Variants in NTNG1 observed in about 807,000 individuals in gnomAD.
NTNG1 encodes the protein netrin G1, also known as netrin-G1.
Under a neutral mutation model 54.0 loss-of-function variants are expected in NTNG1, and 16 were observed. That is an observed-to-expected ratio of 0.30 (90% CI 0.20 to 0.45). The LOEUF (loss-of-function observed/expected upper bound fraction) is 0.45. Ranked by LOEUF, NTNG1 falls within the 20% of genes least tolerant of loss-of-function variation. The probability of loss-of-function intolerance (pLI) is 1.00; values close to 1 mark genes in which losing one functional copy is unlikely to be tolerated. For synonymous variants in NTNG1, 255 were observed against 263.1 expected (o/e 0.97, Z 0.30); for missense variants, 530 against 678.7 (o/e 0.78, Z 2.43).
intron 2 of NTNG1, among the ~76,000 whole-genome samples, chr1:107,156,113 G>A (rs542048809): frequency 1.3e-5 from 2 of 152,248 alleles, no homozygotes; most frequent in East Asian, 3.9e-4. Context: ...TATCCCTGTC[G>A]TAAAGTGACA....
At chr1:107,149,827 C>T (rs994195890) in intron 2 of NTNG1, among the ~76,000 whole-genome samples, 11 of 151,802 alleles carry the variant, frequency 7.2e-5, no homozygotes, top group African/African-American at 2.4e-4. Context: ...TTTTTCTCCA[C>T]ATAACAGATA....
intron 2 of NTNG1, among the ~76,000 whole-genome samples, chr1:107,170,617 C>T (rs1656149051): frequency 6.6e-6 from 1 of 151,948 alleles, no homozygotes; most frequent in African/African-American, 2.4e-5. Flanking sequence ...TGCTGATAAT[C>T]TAAACCCATT....
rs751035689 is a variant in NTNG1, at chr1:107,148,655, A to C, written c.62A>C (p.Gln21Pro). ...TGGGTTACGGTGTCCTCAGTGATGC[A>C]GCCCTACCCTTTGGTTTGGGGACAT... is the stretch of plus-strand genomic sequence containing the variant. Reference protein sequence around the residue: ...ALWVTVSSVMQPYPLVWGHYD... With the variant: ...ALWVTVSSVMPPYPLVWGHYD... Residue 21 changes from glutamine (Q) to proline (P), a missense_variant, in exon 2 of 8, where the codon CAG (glutamine) becomes CCG (proline). Physicochemically the swap from Gln to Pro is moderately conservative, Grantham distance 76 (BLOSUM62 -1). This residue lies in a region of NTNG1 where 318 missense variants were observed against 465.1 expected (regional missense o/e 0.68). Coordinates refer to ENST00000370068, the MANE Select transcript of NTNG1 (RefSeq NM_001113226.3). The C allele has an allele frequency of 5.0e-6, 8 of 1,613,042 alleles. No homozygotes were observed. The highest frequency in any genetic ancestry group is 6.8e-6 in the Non-Finnish European group (8 of 1,179,198).
chr1:107,285,331 A>G (rs921272042), intron 2 of NTNG1, among the ~76,000 whole-genome samples: 2 of 152,126 alleles, frequency 1.3e-5, no homozygotes, highest in Non-Finnish European at 2.9e-5. Flanking sequence ...GTTACTGATG[A>G]TGAATCATAG....
chr1:107,459,211 AAGAG>A (rs993801725), intron 7 of NTNG1, among the ~76,000 whole-genome samples: 1 of 152,072 alleles, frequency 6.6e-6, no homozygotes, highest in Non-Finnish European at 1.5e-5. Flanking sequence ...ATTGTTCAAA[AAGAG>A]AGAGAGAGAA....
intron 3 of NTNG1, among the ~76,000 whole-genome samples, chr1:107,329,931 T>C (rs1354392966): frequency 6.6e-6 from 1 of 151,986 alleles, no homozygotes; most frequent in African/African-American, 2.4e-5. Context: ...ATAATGTGGG[T>C]TAAGTGATTT....
intron 3 of NTNG1, among the ~76,000 whole-genome samples, chr1:107,387,650 G>A (rs527617570): frequency 1.2e-4 from 18 of 152,306 alleles, no homozygotes; most frequent in African/African-American, 4.1e-4. Flanking sequence ...ATCTCAGAGA[G>A]AGTAATGTCC....
chr1:107,171,743 C>T (rs1368624709), intron 2 of NTNG1, among the ~76,000 whole-genome samples: 1 of 152,152 alleles, frequency 6.6e-6, no homozygotes, highest in African/African-American at 2.4e-5. Flanking sequence ...CTCTGAAAAC[C>T]TGCAGTATTT....
chr1:107,196,064 G>A (rs1453182082), intron 2 of NTNG1, among the ~76,000 whole-genome samples: 1 of 151,810 alleles, frequency 6.6e-6, no homozygotes, highest in Non-Finnish European at 1.5e-5. Flanking sequence ...TAGAACCCAG[G>A]GCCTGGCACA....
chr1:107,140,615 A>G (rs889579537), upstream of NTNG1, among the ~76,000 whole-genome samples: 5 of 152,036 alleles, frequency 3.3e-5, no homozygotes, highest in East Asian at 3.9e-4. Flanking sequence ...CTTGGCGCCA[A>G]TGCTAATTGT....
At chr1:107,144,458 C>A (rs1393829371) in intron 1 of NTNG1, among the ~76,000 whole-genome samples, 1 of 152,006 alleles carries the variant, frequency 6.6e-6, no homozygotes, top group Non-Finnish European at 1.5e-5. Flanking sequence ...TGCTGAAAAC[C>A]AGCTAGATTA....
intron 7 of NTNG1, 53 bp downstream of exon 7, chr1:107,436,852 C>G: frequency 6.3e-7 from 1 of 1,575,836 alleles, no homozygotes; most frequent in Non-Finnish European, 8.7e-7. Flanking sequence ...CTGATTTCTG[C>G]TTGGCTAGGC....
chr1:107,416,769 T>C lies in NTNG1; in HGVS notation c.1087+9061T>C, dbSNP rs191881646. ...TAATAAATCATACCAGTACTTGCAT[T>C]TCATCAAGACAAACAAGTCACTACT... On this transcript the variant is annotated intron_variant, in intron 5 of 7. Transcript: ENST00000370068. Among the ~76,000 whole-genome samples, 225 of 152,176 alleles carry C rather than the reference T, an allele frequency of 1.5e-3. 2 individuals carry two copies. The highest frequency in any genetic ancestry group is 5.1e-3 in the African/African-American group (213 of 41,544).
At chr1:107,229,161 G>GAAATGTCAT (rs1396528855) in intron 2 of NTNG1, among the ~76,000 whole-genome samples, 1 of 151,838 alleles carries the variant, frequency 6.6e-6, no homozygotes, top group Non-Finnish European at 1.5e-5. Flanking sequence ...TAGGAAAGTG[G>GAAATGTCAT]AAATGTCATA....
chr1:107,158,444 G>A (rs1407252863), intron 2 of NTNG1, among the ~76,000 whole-genome samples: 1 of 152,122 alleles, frequency 6.6e-6, no homozygotes, highest in Non-Finnish European at 1.5e-5. Context: ...CTTTGAAGCT[G>A]ACTTCTAAAA....
At chr1:107,446,530 G>T (rs1676316408) in intron 7 of NTNG1, among the ~76,000 whole-genome samples, 1 of 152,020 alleles carries the variant, frequency 6.6e-6, no homozygotes, top group South Asian at 2.1e-4. Flanking sequence ...AATACATACA[G>T]AACGTGTTCA....
intron 2 of NTNG1, among the ~76,000 whole-genome samples, chr1:107,189,066 T>G (rs1417217909): frequency 6.6e-6 from 1 of 151,946 alleles, no homozygotes. Flanking sequence ...TTTGGGTGAA[T>G]ATAGGCCTAG....
intron 4 of NTNG1, among the ~76,000 whole-genome samples, chr1:107,404,512 C>G (rs1463855911): frequency 6.6e-6 from 1 of 152,006 alleles, no homozygotes; most frequent in East Asian, 1.9e-4. Flanking sequence ...GATAAAATCA[C>G]CCTTTGACCA....
intron 2 of NTNG1, among the ~76,000 whole-genome samples, chr1:107,224,677 T>G (rs1660563073): frequency 6.6e-6 from 1 of 152,150 alleles, no homozygotes; most frequent in Non-Finnish European, 1.5e-5. Context: ...GCTGCAGTTT[T>G]AAGTACTCCC....
Sources: gnomAD v4.1 joint callset for allele counts (sites outside exome capture counted in the v4.1 genomes callset) on GRCh38, gnomAD v4.1.1 for gene constraint, gnomAD v4.1.1 regional missense constraint, MANE v1.5 for transcripts, NCBI Gene and HGNC (gene_info 2026-07-23, HGNC 2026-07-21) for gene names.